The following CCDC148 variants were observed in gnomAD, a reference collection of about 807,000 sequenced individuals.
The protein encoded by CCDC148 is coiled-coil domain-containing protein 148.
A neutral mutation model predicts 85.7 loss-of-function variants in CCDC148; 89 were observed. That is an observed-to-expected ratio of 1.04 (90% CI 0.87 to 1.24). CCDC148 has a LOEUF of 1.24. Among genes scored for constraint, CCDC148 ranks in the 50% most tolerant of loss-of-function variants. The pLI, the probability that CCDC148 is intolerant of heterozygous loss-of-function variation, is 0.00. For missense variants in CCDC148, 692 were observed against 671.7 expected (o/e 1.03, Z -0.33); for synonymous variants, 230 against 213.9 (o/e 1.08, Z -0.66).
chr2:158,233,936 G>C (rs1687975176), intron 10 of CCDC148, among the ~76,000 whole-genome samples: 1 of 152,084 alleles, frequency 6.6e-6, no homozygotes, highest in Non-Finnish European at 1.5e-5. Flanking sequence ...TCAGCACTTT[G>C]GGAGGCCGAG....
chr2:158,221,380 G>C (rs1687175327), intron 10 of CCDC148, among the ~76,000 whole-genome samples: 1 of 152,148 alleles, frequency 6.6e-6, no homozygotes, highest in African/African-American at 2.4e-5. Context: ...AAAACCAGAG[G>C]TACATATGAG....
intron 8 of CCDC148, 103 bp from the exon 9 acceptor site, chr2:158,309,742 T>G: frequency 3.5e-6 from 3 of 856,070 alleles, no homozygotes; most frequent in Non-Finnish European, 5.3e-6. Context: ...AACCAATGAT[T>G]TTGAAAAACT....
Position 158,220,704 on chromosome 2 carries a change from A to T in CCDC148, c.1261T>A (p.Tyr421Asn). ...RAEKKKKIKK[Y>N]WAKKKQKWQE... ...CACTTCTGTTTTTTCTTGGCCCAGT[A>T]TTTTTTTATCTATTGTATAAATGTT... The change falls in exon 11 of 14, where the codon TAC (tyrosine) becomes AAC (asparagine). Residue 421 changes from tyrosine to asparagine, a missense_variant. Tyr to Asn is a moderately radical substitution (Grantham distance 143). Transcript: ENST00000283233. 1 of 1,576,346 alleles carries T rather than the reference A, an allele frequency of 6.3e-7. No homozygotes were observed. Among genetic ancestry groups the T allele is most frequent in the South Asian group, 1.2e-5 (1 of 84,300 alleles).
intron 1 of CCDC148, among the ~76,000 whole-genome samples, chr2:158,435,031 G>C (rs542150826): frequency 6.6e-6 from 1 of 152,160 alleles, no homozygotes; most frequent in African/African-American, 2.4e-5. Flanking sequence ...GGGGAGAATG[G>C]AACCAAGTTG....
chr2:158,372,363 T>C (rs943918852), intron 1 of CCDC148, among the ~76,000 whole-genome samples: 6 of 152,120 alleles, frequency 3.9e-5, no homozygotes, highest in Non-Finnish European at 2.9e-5. Flanking sequence ...ACTAAGTACT[T>C]AGTTATGAAG....
chr2:158,307,970 G>A (rs1313843520), intron 9 of CCDC148, among the ~76,000 whole-genome samples: 2 of 152,136 alleles, frequency 1.3e-5, no homozygotes, highest in Non-Finnish European at 2.9e-5. Flanking sequence ...ATGCGTGTGT[G>A]TCATAAAGCT....
chr2:158,394,192 A>G (rs1685433601), intron 1 of CCDC148, among the ~76,000 whole-genome samples: 1 of 152,142 alleles, frequency 6.6e-6, no homozygotes, highest in Non-Finnish European at 1.5e-5. Context: ...TAATATATGC[A>G]AAACATTTGC....
chr2:158,344,112 A>C (rs1243193531), intron 3 of CCDC148, among the ~76,000 whole-genome samples: 1 of 152,144 alleles, frequency 6.6e-6, no homozygotes, highest in Non-Finnish European at 1.5e-5. Flanking sequence ...TGAACACCAC[A>C]ATTAAAGCTT....
intron 1 of CCDC148, among the ~76,000 whole-genome samples, chr2:158,367,442 G>A (rs1043378097): frequency 1.3e-5 from 2 of 152,074 alleles, no homozygotes; most frequent in East Asian, 3.9e-4. Context: ...AGCCCCTTTA[G>A]ATTTAGGCCT....
chr2:158,215,248 A>G (rs1034008915), intron 11 of CCDC148, among the ~76,000 whole-genome samples: 1 of 152,250 alleles, frequency 6.6e-6, no homozygotes, highest in African/African-American at 2.4e-5. Context: ...ATCACTCATT[A>G]AAATAAGTTC....
chr2:158,213,470 G>C (rs1686684384), intron 11 of CCDC148, among the ~76,000 whole-genome samples: 1 of 152,150 alleles, frequency 6.6e-6, no homozygotes, highest in Non-Finnish European at 1.5e-5. Context: ...GCAATAATTG[G>C]CAAATACAGA....
At chr2:158,235,092 G>A (rs759546250) in intron 10 of CCDC148, among the ~76,000 whole-genome samples, 5 of 152,050 alleles carry the variant, frequency 3.3e-5, no homozygotes, top group Admixed American at 6.6e-5. Context: ...GTTTACCTAC[G>A]TAACAAACCT....
chr2:158,416,350 AG>A (rs766676024), intron 1 of CCDC148, among the ~76,000 whole-genome samples: 10 of 152,182 alleles, frequency 6.6e-5, no homozygotes, highest in Non-Finnish European at 1.3e-4. Context: ...CTCTTTACTT[AG>A]GCAAATTTTT....
chr2:158,199,997 G>A (rs189444718), intron 11 of CCDC148, among the ~76,000 whole-genome samples: 59 of 152,260 alleles, frequency 3.9e-4, no homozygotes, highest in African/African-American at 1.3e-3. Context: ...GGGTTGAGAC[G>A]CATTCAAACT....
intron 1 of CCDC148, among the ~76,000 whole-genome samples, chr2:158,371,677 T>TATATA (rs1487196987): frequency 1.3e-5 from 2 of 151,418 alleles, no homozygotes; most frequent in African/African-American, 4.9e-5. Flanking sequence ...TATACATATA[T>TATATA]ATATATATAC....
At chr2:158,369,259 T>A (rs921647496) in intron 1 of CCDC148, among the ~76,000 whole-genome samples, 27 of 152,186 alleles carry the variant, frequency 1.8e-4, no homozygotes, top group Non-Finnish European at 8.8e-5. Context: ...TAAATTACTT[T>A]GGGCAGTATG....
intron 10 of CCDC148, among the ~76,000 whole-genome samples, chr2:158,238,332 C>T (rs906251079): frequency 6.6e-6 from 1 of 151,780 alleles, no homozygotes; most frequent in African/African-American, 2.4e-5. Flanking sequence ...ACGTCATGCA[C>T]TGTAAAAAGA....
At chr2:158,197,257 T>A (rs1049673015) in intron 11 of CCDC148, among the ~76,000 whole-genome samples, 8 of 152,140 alleles carry the variant, frequency 5.3e-5, no homozygotes, top group Non-Finnish European at 1.2e-4. Context: ...GTTTTATTTC[T>A]CCTAAAGTTT....
chr2:158,341,104 C>T (rs1436527719), intron 3 of CCDC148, among the ~76,000 whole-genome samples: 1 of 152,054 alleles, frequency 6.6e-6, no homozygotes, highest in Non-Finnish European at 1.5e-5. Context: ...TTTAAAAGTT[C>T]AGAAAGGATG....
Sources: allele counts gnomAD v4.1 joint callset (sites outside exome capture counted in the v4.1 genomes callset), GRCh38; gene constraint gnomAD v4.1.1; transcripts MANE v1.5; gene names NCBI Gene and HGNC (gene_info 2026-07-23, HGNC 2026-07-21).